The following CDK20 variants were observed in gnomAD, a reference collection of about 807,000 sequenced individuals.
CDK20 encodes cyclin-dependent kinase 20.
In CDK20, 40 loss-of-function variants were observed where a neutral mutation model predicts 38.6. That is an observed-to-expected ratio of 1.04 (90% CI 0.81 to 1.35). CDK20 has a LOEUF of 1.35. Among genes scored for constraint, CDK20 ranks in the 40% most tolerant of loss-of-function variants. The probability of loss-of-function intolerance (pLI) is 0.00; values close to 1 mark genes in which losing one functional copy is unlikely to be tolerated. For missense variants in CDK20, 512 were observed against 452.6 expected (o/e 1.13, Z -1.19); for synonymous variants, 209 against 185.7 (o/e 1.13, Z -1.02).
chr9:87,971,054 C>T, intron 3 of CDK20, 93 bp downstream of exon 3: 1 of 1,514,422 alleles, frequency 6.6e-7, no homozygotes, highest in Non-Finnish European at 9.0e-7. Flanking sequence ...CAGCTCTGTC[C>T]CAACTTCTTA....
In CDK20 at chr9:87,967,344, T is replaced by C; in HGVS notation, c.*118A>G. ...CTCGCAAGGGCTAAGGGGCAGGGTG[T>C]GGTGTGGGCCCACTGTGGCCATGGG... is the stretch of plus-strand genomic sequence containing the variant. On this transcript the variant is annotated 3_prime_UTR_variant, in exon 8 of 8. Coordinates refer to ENST00000325303, the MANE Select transcript of CDK20 (RefSeq NM_001039803.3). 1.0e-6 allele frequency: 1 copy of C among 970,050 alleles called. No homozygotes were observed. The highest frequency in any genetic ancestry group is 1.6e-6 in the Non-Finnish European group (1 of 618,440). 60.1% of individuals were successfully genotyped at this position (970,050 alleles called of 1,614,324 possible).
rs576777807 is a variant in CDK20, at chr9:87,970,214, C to T, written c.564-295G>A. ...GGCACTGCCAACTATCTTCTTGCTG[C>T]AAAACAAGCTCAGAGCTTTCATGTC... On this transcript the variant is annotated intron_variant, in intron 5 of 7. Coordinates refer to ENST00000325303, the MANE Select transcript of CDK20 (RefSeq NM_001039803.3). 20 of 440,848 alleles carry T rather than the reference C, an allele frequency of 4.5e-5. 1 individual carries two copies. In the East Asian group the frequency reaches 6.0e-4, roughly 13 times the overall value. The allele number at this position is 440,848 out of a possible 1,614,324, so 27.3% of individuals were successfully genotyped here.
intron 5 of CDK20, chr9:87,970,167 T>G (rs1829749111): frequency 2.2e-6 from 1 of 456,296 alleles, no homozygotes; most frequent in African/African-American, 2.0e-5. Flanking sequence ...CCTGCAAACC[T>G]GCCCCAAATC....
rs531677791 is a variant in CDK20 at position 87,973,975 on chromosome 9, T to G, written c.136A>C (p.Asn46His). 2 of 1,614,130 alleles carry G rather than the reference T, an allele frequency of 1.2e-6. No individual in the cohort carries two copies. The highest frequency in any genetic ancestry group is 2.2e-5 in the South Asian group (2 of 91,088). Residue 46 changes from asparagine (N) to histidine (H), a missense_variant, in exon 2 of 8, where the codon AAC (asparagine) becomes CAC (histidine). Coordinates refer to ENST00000325303, the MANE Select transcript of CDK20 (RefSeq NM_001039803.3). ...ALRRLEDGFP[N>H]QALREIKALQ... ...GCCTTAATCTCCCGCAGGGCCTGGT[T>G]AGGGAAGCCGTCCTCCAACCGCCTT...
chr9:87,971,550 A>G (rs1042496936), intron 2 of CDK20, among the ~76,000 whole-genome samples: 5 of 152,198 alleles, frequency 3.3e-5, no homozygotes, highest in African/African-American at 1.2e-4. Context: ...CTAATTCTCC[A>G]TGAACACTAA....
chr9:87,969,758 C>A (rs1829716385), intron 6 of CDK20, 38 bp downstream of exon 6: 1 of 1,612,714 alleles, frequency 6.2e-7, no homozygotes, highest in Non-Finnish European at 8.5e-7. Context: ...GTGGAGTAAA[C>A]CTGCCCCACA....
Position 87,967,471 on chromosome 9 carries a change from C to A in CDK20, c.1032G>T (p.Leu344=), listed in dbSNP as rs2118137975. 6.4e-7 allele frequency: 1 copy of A among 1,554,296 alleles called. No homozygotes were observed. Among genetic ancestry groups the A allele is most frequent in the Admixed American group, 2.0e-5 (1 of 51,280 alleles). The change falls in exon 8 of 8, where the codon CTG becomes CTT. Residue 344 remains leucine (L), a synonymous_variant. Coordinates refer to ENST00000325303, the MANE Select transcript of CDK20 (RefSeq NM_001039803.3). ...GACCAGGGCCAACTTCTCACCCCTC[C>A]AGGATGAAGGGCCGAATCAGCTCTG... The part of the protein sequence containing the change: ...LNPELIRPFI[L]EG
intron 2 of CDK20, 74 bp downstream of exon 2, chr9:87,973,848 G>A: frequency 1.4e-6 from 2 of 1,480,328 alleles, no homozygotes; most frequent in South Asian, 2.4e-5. Flanking sequence ...GGCGTAGCTG[G>A]GAAAATGAAG....
At chr9:87,969,002 G>A in intron 7 of CDK20, 192 bp downstream of exon 7, 1 of 616,602 alleles carries the variant, frequency 1.6e-6, no homozygotes, top group East Asian at 2.8e-5. Flanking sequence ...ATGTCCAGTG[G>A]GGTCTACTCA....
At chr9:87,969,000 T>C (rs1829650618) in intron 7 of CDK20, 194 bp downstream of exon 7, 2 of 609,970 alleles carry the variant, frequency 3.3e-6, no homozygotes, top group Non-Finnish European at 5.7e-6. Flanking sequence ...GGATGTCCAG[T>C]GGGGTCTACT....
At chr9:87,968,702 G>A (rs1425249199) in intron 7 of CDK20, 7 of 154,876 alleles carry the variant, frequency 4.5e-5, no homozygotes, top group Admixed American at 3.8e-4. Context: ...CACAGCTGGA[G>A]AACATGACCT....
At chr9:87,970,158 C>A (rs1422073388) in intron 5 of CDK20, 3 of 454,524 alleles carry the variant, frequency 6.6e-6, no homozygotes, top group Non-Finnish European at 1.1e-5. Flanking sequence ...TGGGGCAGAC[C>A]TGCAAACCTG....
At chr9:87,969,517 C>A in intron 6 of CDK20, 168 bp from the exon 7 acceptor site, 1 of 814,034 alleles carries the variant, frequency 1.2e-6, no homozygotes, top group East Asian at 2.7e-5. Context: ...TGTATTCCTT[C>A]ATCCATCCCC....
chr9:87,969,687 A>C, intron 6 of CDK20, 109 bp downstream of exon 6: 1 of 1,517,976 alleles, frequency 6.6e-7, no homozygotes, highest in South Asian at 1.2e-5. Flanking sequence ...CTGTCCATCA[A>C]GGGGGGTTGG....
At position 87,970,792 on chromosome 9, in the gene CDK20, G is replaced by A; in HGVS notation, c.484C>T (p.His162Tyr). 6.2e-7 allele frequency: 1 copy of A among 1,614,220 alleles called. No individual in the cohort carries two copies. The highest frequency in any genetic ancestry group is 8.5e-7 in the Non-Finnish European group (1 of 1,180,042). ...CCTCCCTACCTGGTGGCCACCTGGT[G>A]TGTGTAGAGGCGGCTGCCGTCTGGG... is the stretch of plus-strand genomic sequence containing the variant. The part of the protein sequence containing the change: ...FSPDGSRLYT[H>Y]QVATRWYRAP... The change falls in exon 4 of 8, where the codon CAC becomes TAC. Residue 162 changes from histidine to tyrosine, a missense_variant. Transcript: ENST00000325303.
chr9:87,967,537 G>T lies in CDK20; in HGVS notation c.966C>A (p.Asp322Glu). Reference protein sequence around the residue: ...KAHPGPPHIHDFHVDRPLEES... With the variant: ...KAHPGPPHIHEFHVDRPLEES... ...CCTCAAGAGGCCGGTCCACGTGGAA[G>T]TCATGGATGTGGGGGGGCCCTGGAT... The change falls in exon 8 of 8, where the codon GAC (aspartate) becomes GAA (glutamate). Residue 322 changes from aspartate to glutamate, a missense_variant. By Grantham distance (45) the Asp-to-Glu change is conservative. Transcript: ENST00000325303. The T allele has an allele frequency of 6.4e-7, 1 of 1,554,652 alleles. No homozygotes were observed. The highest frequency in any genetic ancestry group is 8.7e-7 in the Non-Finnish European group (1 of 1,148,672).
At chr9:87,971,435 C>A in intron 2 of CDK20, 100 bp from the exon 3 acceptor site, 2 of 1,080,860 alleles carry the variant, frequency 1.9e-6, no homozygotes, top group African/African-American at 1.6e-5. Context: ...ACCCTGTATC[C>A]AAAAAGACAG....
chr9:87,969,184 C>CT lies in CDK20; in HGVS notation c.843+9dup, dbSNP rs778904081. On this transcript the variant is annotated intron_variant, in intron 7 of 7. Coordinates refer to ENST00000325303, the MANE Select transcript of CDK20 (RefSeq NM_001039803.3). ...GCTGAAGGAGCAGAGACTACAGCCT[C>CT]TCCCCCTACCTTGGAAGCTGCGATG... The CT allele has an allele frequency of 1.2e-6, 2 of 1,613,414 alleles. No homozygotes were observed. Among genetic ancestry groups the CT allele is most frequent in the Non-Finnish European group, 1.7e-6 (2 of 1,179,608 alleles).
At chr9:87,973,646 GAAAA>G (rs35629060) in intron 2 of CDK20, among the ~76,000 whole-genome samples, 2 of 151,786 alleles carry the variant, frequency 1.3e-5, no homozygotes, top group East Asian at 1.9e-4. Flanking sequence ...CATGTTTTGA[GAAAA>G]AAAGTCGGTG....
Sources: allele counts gnomAD v4.1 joint callset (sites outside exome capture counted in the v4.1 genomes callset), GRCh38; gene constraint gnomAD v4.1.1; transcripts MANE v1.5; gene names NCBI Gene and HGNC (gene_info 2026-07-23, HGNC 2026-07-21).